Variants in NBEA observed in about 807,000 individuals in gnomAD.
The protein encoded by NBEA is lysosomal-trafficking regulator 2.
A neutral mutation model predicts 343.4 loss-of-function variants in NBEA; 44 were observed. That is an observed-to-expected ratio of 0.13 (90% CI 0.10 to 0.16). NBEA has a LOEUF of 0.16. NBEA is among the 10% of genes least tolerant of loss of function. NBEA has a pLI of 1.00. For synonymous variants in NBEA, 1,175 were observed against 1,238.7 expected (o/e 0.95, Z 1.08); for missense variants, 2,555 against 3,631.3 (o/e 0.70, Z 7.62).
chr13:34,946,486 G>A (rs1401748077), intron 1 of NBEA, among the ~76,000 whole-genome samples: 1 of 151,910 alleles, frequency 6.6e-6, no homozygotes, highest in African/African-American at 2.4e-5. Flanking sequence ...TTTACTTAGT[G>A]AAAGAATTCA....
intron 22 of NBEA, 56 bp downstream of exon 22, chr13:35,160,088 A>G: frequency 1.4e-6 from 2 of 1,416,808 alleles, no homozygotes; most frequent in Non-Finnish European, 1.9e-6. Context: ...AAGAGTTGTT[A>G]GCACCAAAAC....
chr13:35,658,317 C>T (rs892350491), intron 55 of NBEA, among the ~76,000 whole-genome samples: 11 of 152,158 alleles, frequency 7.2e-5, no homozygotes, highest in Admixed American at 3.9e-4. Flanking sequence ...ACCTAAACCA[C>T]TTCCATAGAA....
intron 58 of NBEA, 50 bp downstream of exon 58, chr13:35,668,569 C>T: frequency 2.7e-6 from 4 of 1,488,552 alleles, no homozygotes; most frequent in Non-Finnish European, 3.6e-6. Context: ...TCATTGAAGG[C>T]TCTCTTCATT....
At chr13:35,118,205 A>C in intron 14 of NBEA, 23 bp from the exon 15 acceptor site, 1 of 1,379,644 alleles carries the variant, frequency 7.2e-7, no homozygotes, top group Admixed American at 2.6e-5. Context: ...ATGTAAAGTA[A>C]TAAAATATTT....
chr13:35,176,200 A>C (rs980362568), intron 27 of NBEA, among the ~76,000 whole-genome samples: 2 of 152,082 alleles, frequency 1.3e-5, no homozygotes, highest in South Asian at 4.1e-4. Flanking sequence ...AAGGAATCAA[A>C]CATTTTAATT....
At chr13:35,570,430 T>A (rs1458994055) in intron 45 of NBEA, among the ~76,000 whole-genome samples, 1 of 152,214 alleles carries the variant, frequency 6.6e-6, no homozygotes, top group Admixed American at 6.5e-5. Context: ...TTTTATATAG[T>A]GTTAAGTAAA....
rs1198679627 is a variant in NBEA at position 35,198,465 on chromosome 13, T to A, written c.5366+2163T>A. On this transcript the variant is annotated intron_variant, in intron 31 of 58. Coordinates refer to ENST00000379939, the MANE Select transcript of NBEA (RefSeq NM_001385012.1). ...AATTTGGATTATTGTTAGAATGAGT[T>A]TTTTAATTAAAACTTTAAAAAGCAG... Among the ~76,000 whole-genome samples, 4 of 152,128 alleles carry A rather than the reference T, an allele frequency of 2.6e-5. No individual in the cohort carries two copies. In the East Asian group the frequency reaches 7.7e-4, roughly 29 times the overall value.
rs1335426785 is a variant in NBEA, at chr13:35,204,865, A to G, written c.5367-3835A>G. Among the ~76,000 whole-genome samples the G allele has an allele frequency of 2.0e-5, 3 of 152,142 alleles. No individual in the cohort carries two copies. The East Asian group carries it at 5.8e-4, about 29-fold the overall frequency. Reference sequence around the variant, plus strand: ...TTTATCTACCCTAAATAGGTTACCCACAGTAGGTACCTAGACTTCTAGGTA... The same window carrying G: ...TTTATCTACCCTAAATAGGTTACCCGCAGTAGGTACCTAGACTTCTAGGTA... On this transcript the variant is annotated intron_variant, in intron 31 of 58. Coordinates refer to ENST00000379939, the MANE Select transcript of NBEA (RefSeq NM_001385012.1).
At chr13:35,266,680 G>A (rs1429274638) in intron 34 of NBEA, among the ~76,000 whole-genome samples, 1 of 151,646 alleles carries the variant, frequency 6.6e-6, no homozygotes, top group Non-Finnish European at 1.5e-5. Flanking sequence ...CAGGGCCTAG[G>A]GTAGTTGGTT....
At chr13:35,298,873 T>A (rs2152824232) in intron 35 of NBEA, among the ~76,000 whole-genome samples, 1 of 152,142 alleles carries the variant, frequency 6.6e-6, no homozygotes, top group East Asian at 1.9e-4. Flanking sequence ...TACATTCAGT[T>A]TTTCCTATAA....
chr13:35,033,387 A>T (rs1168390422), intron 1 of NBEA, among the ~76,000 whole-genome samples: 1 of 151,932 alleles, frequency 6.6e-6, no homozygotes, highest in Non-Finnish European at 1.5e-5. Flanking sequence ...TGCCAGTACC[A>T]TGCTGTTTTG....
chr13:35,500,788 A>G (rs2152979951), intron 41 of NBEA, among the ~76,000 whole-genome samples: 1 of 148,900 alleles, frequency 6.7e-6, no homozygotes, highest in South Asian at 2.1e-4. Context: ...ACTAATTTTT[A>G]GGAGAATAGT....
chr13:35,653,120 C>A (rs1041879729), intron 53 of NBEA, among the ~76,000 whole-genome samples: 8 of 152,060 alleles, frequency 5.3e-5, no homozygotes, highest in African/African-American at 1.9e-4. Flanking sequence ...TTTAAATAAT[C>A]GTGTACATAT....
In NBEA at chr13:35,196,234, A is replaced by G. The variant is rs758764794; in HGVS notation, c.5298A>G (p.Pro1766=). Residue 1766 remains proline, a synonymous_variant, in exon 31 of 59, where the codon CCA becomes CCG. Coordinates refer to ENST00000379939, the MANE Select transcript of NBEA (RefSeq NM_001385012.1). ...CAGAATGTGGCCCTGAACCTATCCCATACCCAGATCCAGCATTGAAGAGAG... is the reference window on the plus strand; with the variant it reads ...CAGAATGTGGCCCTGAACCTATCCCGTACCCAGATCCAGCATTGAAGAGAG... ...EIAECGPEPI[P]YPDPALKRET... is the part of the protein sequence containing the mutation. 3.1e-6 allele frequency: 5 copies of G among 1,613,588 alleles called. No individual in the cohort carries two copies. The East Asian group carries it at 8.9e-5, about 29-fold the overall frequency.
chr13:35,118,572 C>G (rs2066624075), intron 16 of NBEA, 98 bp downstream of exon 16: 2 of 894,180 alleles, frequency 2.2e-6, no homozygotes, highest in African/African-American at 3.4e-5. Context: ...ATAAATATAG[C>G]AAAGTCTTGC....
chr13:35,266,621 G>A (rs1404999602), intron 34 of NBEA, among the ~76,000 whole-genome samples: 1 of 151,768 alleles, frequency 6.6e-6, no homozygotes, highest in African/African-American at 2.4e-5. Flanking sequence ...CTCACGTGTG[G>A]AATATAAAAA....
chr13:35,000,960 T>G (rs771982055), intron 1 of NBEA, among the ~76,000 whole-genome samples: 1 of 152,030 alleles, frequency 6.6e-6, no homozygotes, highest in African/African-American at 2.4e-5. Context: ...TAGTTGGTTT[T>G]TTTTTGTTGT....
chr13:35,601,635 G>A lies in NBEA; in HGVS notation c.7297-4791G>A, dbSNP rs570170388. Among the ~76,000 whole-genome samples the A allele has an allele frequency of 1.8e-4, 28 of 151,638 alleles. No individual in the cohort carries two copies. In the South Asian group the frequency reaches 3.3e-3, roughly 18 times the overall value. On this transcript the variant is annotated intron_variant, in intron 47 of 58. Transcript: ENST00000379939. ...AAATTAGCCAGGTGTGGTGGCACAC[G>A]CCTGTAGTCCCAGCTACTTGGGAGG...
intron 36 of NBEA, among the ~76,000 whole-genome samples, chr13:35,318,688 C>T (rs180812709): frequency 2.0e-5 from 3 of 152,302 alleles, no homozygotes; most frequent in Admixed American, 1.3e-4. Context: ...ACCAGCTCCT[C>T]TTTGTACCTC....
Sources: gnomAD v4.1 joint callset for allele counts (sites outside exome capture counted in the v4.1 genomes callset) on GRCh38, gnomAD v4.1.1 for gene constraint, MANE v1.5 for transcripts, NCBI Gene and HGNC (gene_info 2026-07-23, HGNC 2026-07-21) for gene names.